The following ZDHHC20 variants were observed in gnomAD, a reference collection of about 807,000 sequenced individuals.
ZDHHC20 encodes the protein palmitoyltransferase ZDHHC20.
A neutral mutation model predicts 57.8 loss-of-function variants in ZDHHC20; 43 were observed. The observed-to-expected ratio is 0.74, with a 90% CI of 0.58 to 0.96. The LOEUF (loss-of-function observed/expected upper bound fraction) is 0.96, where lower values mean the gene tolerates loss of function less well. Ranked by LOEUF, ZDHHC20 falls within the 40% of genes least tolerant of loss-of-function variation. ZDHHC20 has a pLI of 0.00. For synonymous variants in ZDHHC20, 157 were observed against 153.0 expected, an observed-to-expected ratio of 1.03 and a Z score of -0.19; for missense variants, 391 against 441.1, an observed-to-expected ratio of 0.89 and a Z score of 1.02.
chr13:21,413,630 G>A, intron 4 of ZDHHC20, 22 bp downstream of exon 4: 3 of 1,569,206 alleles, frequency 1.9e-6, no homozygotes, highest in Non-Finnish European at 2.6e-6. Flanking sequence ...ATTTGAAAAG[G>A]AAAACTTATT....
At chr13:21,402,712 G>A in intron 5 of ZDHHC20, 85 bp downstream of exon 5, 1 of 1,103,418 alleles carries the variant, frequency 9.1e-7, no homozygotes, top group Admixed American at 2.0e-5. Context: ...CAAGTGTAAA[G>A]CATATAAAAT....
intron 1 of ZDHHC20, among the ~76,000 whole-genome samples, chr13:21,445,065 T>TAA (rs1566113668): frequency 6.6e-6 from 1 of 151,498 alleles, no homozygotes; most frequent in Non-Finnish European, 1.5e-5. Context: ...TCAAAACACA[T>TAA]ACACACACAC....
At chr13:21,387,371 AGAT>A (rs1874731141) in intron 9 of ZDHHC20, 134 bp downstream of exon 9, 6 of 607,494 alleles carry the variant, frequency 9.9e-6, no homozygotes, top group Non-Finnish European at 1.4e-5. Flanking sequence ...GTATAAAAAA[AGAT>A]ATTTTGAGTT....
intron 1 of ZDHHC20, 110 bp downstream of exon 1, chr13:21,458,944 C>T: frequency 1.3e-6 from 1 of 786,836 alleles, no homozygotes; most frequent in South Asian, 2.5e-5. Flanking sequence ...GGCCGGACGC[C>T]CGGCGTCCGG....
intron 1 of ZDHHC20, among the ~76,000 whole-genome samples, chr13:21,433,349 G>A (rs1413302222): frequency 5.3e-5 from 8 of 152,132 alleles, no homozygotes; most frequent in Admixed American, 5.2e-4. Context: ...CAGGCATGGT[G>A]GCTCATGCCT....
At chr13:21,421,226 A>C (rs1411687921) in intron 2 of ZDHHC20, 62 bp from the exon 3 acceptor site, 5 of 1,328,888 alleles carry the variant, frequency 3.8e-6, no homozygotes, top group Middle Eastern at 2.0e-4. Context: ...AAAGCATTAC[A>C]TTAAAACACA....
At chr13:21,406,160 ACTCC>A (rs1778692667) in intron 4 of ZDHHC20, among the ~76,000 whole-genome samples, 1 of 151,828 alleles carries the variant, frequency 6.6e-6, no homozygotes, top group African/African-American at 2.4e-5. Flanking sequence ...TATATCAAAT[ACTCC>A]TGGCTTCCCT....
chr13:21,423,249 T>G (rs1880843661), intron 2 of ZDHHC20, among the ~76,000 whole-genome samples: 1 of 152,234 alleles, frequency 6.6e-6, no homozygotes, highest in African/African-American at 2.4e-5. Flanking sequence ...TTCCTTCTAT[T>G]TTCAAATGTG....
intron 1 of ZDHHC20, among the ~76,000 whole-genome samples, chr13:21,451,440 G>C (rs1403876823): frequency 4.6e-5 from 7 of 152,134 alleles, no homozygotes. Context: ...TATACTATAA[G>C]TCTTGTAAGC....
At chr13:21,436,029 C>A (rs1455376788) in intron 1 of ZDHHC20, among the ~76,000 whole-genome samples, 2 of 152,214 alleles carry the variant, frequency 1.3e-5, no homozygotes, top group Non-Finnish European at 2.9e-5. Flanking sequence ...GTGCAAGCTG[C>A]ACCAGGAAGG....
intron 1 of ZDHHC20, among the ~76,000 whole-genome samples, chr13:21,452,711 T>C (rs1258528735): frequency 2.6e-5 from 4 of 152,198 alleles, no homozygotes; most frequent in African/African-American, 7.2e-5. Context: ...TATACTTTTA[T>C]AAGGTATTAT....
chr13:21,393,564 G>C (rs550747190), intron 7 of ZDHHC20, among the ~76,000 whole-genome samples: 1 of 151,000 alleles, frequency 6.6e-6, no homozygotes, highest in African/African-American at 2.4e-5. Flanking sequence ...AATTAGCCAG[G>C]CATGGTGGTA....
At chr13:21,389,828 A>G (rs1056997964) in intron 8 of ZDHHC20, among the ~76,000 whole-genome samples, 1 of 152,172 alleles carries the variant, frequency 6.6e-6, no homozygotes, top group African/African-American at 2.4e-5. Context: ...AAAAGAAGAA[A>G]TCTGGTTTTC....
chr13:21,459,014 C>T (rs759693699), intron 1 of ZDHHC20, 40 bp downstream of exon 1: 1 of 1,517,646 alleles, frequency 6.6e-7, no homozygotes, highest in Non-Finnish European at 9.0e-7. Context: ...GCCCTAGCCG[C>T]GGCCCGCGCC....
chr13:21,441,894 G>T (rs1883209925), intron 1 of ZDHHC20, among the ~76,000 whole-genome samples: 2 of 151,964 alleles, frequency 1.3e-5, no homozygotes, highest in South Asian at 4.2e-4. Context: ...AAAGTCTCAT[G>T]CTCCTGATTA....
chr13:21,442,575 T>C (rs1883289532), intron 1 of ZDHHC20, among the ~76,000 whole-genome samples: 2 of 152,114 alleles, frequency 1.3e-5, no homozygotes, highest in South Asian at 4.1e-4. Context: ...GCCAACATGG[T>C]GAAACCCTGT....
chr13:21,428,290 G>A (rs961274031), intron 1 of ZDHHC20, among the ~76,000 whole-genome samples: 3 of 151,728 alleles, frequency 2.0e-5, no homozygotes, highest in Non-Finnish European at 4.4e-5. Context: ...GCGTGATCTT[G>A]GCTCACTGCA....
intron 3 of ZDHHC20, among the ~76,000 whole-genome samples, chr13:21,416,203 C>CAAAA (rs55796229): frequency 4.9e-4 from 35 of 71,310 alleles, no homozygotes; most frequent in East Asian, 1.3e-3. Flanking sequence ...GACTCCATCT[C>CAAAA]AAAAAAAAAA....
intron 8 of ZDHHC20, among the ~76,000 whole-genome samples, chr13:21,390,527 T>C (rs933611908): frequency 6.6e-6 from 1 of 152,148 alleles, no homozygotes; most frequent in East Asian, 1.9e-4. Flanking sequence ...TAATGAGGCA[T>C]GTCAAAAGCA....
Sources: gnomAD v4.1 joint callset for allele counts (sites outside exome capture counted in the v4.1 genomes callset) on GRCh38, gnomAD v4.1.1 for gene constraint, MANE v1.5 for transcripts, NCBI Gene and HGNC (gene_info 2026-07-23, HGNC 2026-07-21) for gene names.